Variants in RHOQ observed in about 807,000 individuals in gnomAD.
The protein encoded by RHOQ is rho-related GTP-binding protein RhoQ.
Under a neutral mutation model 25.8 loss-of-function variants are expected in RHOQ, and 7 were observed. That is an observed-to-expected ratio of 0.27 (90% CI 0.15 to 0.51). The LOEUF is 0.51. Among genes scored for constraint, RHOQ ranks in the 20% least tolerant of loss-of-function variants. The probability of loss-of-function intolerance (pLI) is 0.97; values close to 1 mark genes in which losing one functional copy is unlikely to be tolerated. For synonymous variants in RHOQ, 97 were observed against 98.6 expected (o/e 0.98, Z 0.10); for missense variants, 165 against 260.6 (o/e 0.63, Z 2.53).
At chr2:46,574,380 A>G (rs1357152810) in intron 2 of RHOQ, among the ~76,000 whole-genome samples, 2 of 151,374 alleles carry the variant, frequency 1.3e-5, no homozygotes, top group African/African-American at 4.9e-5. Context: ...TGAAACAGGC[A>G]GTAGAGCCCA....
rs1409671182 is a variant in RHOQ at position 46,555,126 on chromosome 2, G to A, written c.201+11314G>A. The stretch of plus-strand genomic sequence containing the variant: ...CGGACAGGGACTTCGTCCAACAGGC[G>A]AGAGCTTTGGGTATTCATCCACTGC... On this transcript the variant is annotated intron_variant, in intron 2 of 4. Coordinates refer to ENST00000238738, the MANE Select transcript of RHOQ (RefSeq NM_012249.4). The surrounding 1 kb of genome is among the most constrained non-coding windows in gnomAD (Gnocchi z 4.3). Among the ~76,000 whole-genome samples the A allele has an allele frequency of 6.6e-6, 1 of 152,218 alleles. No homozygotes were observed. Among genetic ancestry groups the A allele is most frequent in the Non-Finnish European group, 1.5e-5 (1 of 68,046 alleles).
chr2:46,544,427 G>C (rs1445792860), intron 2 of RHOQ, among the ~76,000 whole-genome samples: 4 of 152,212 alleles, frequency 2.6e-5, no homozygotes, highest in African/African-American at 9.7e-5. Context: ...GTGAATCTTG[G>C]AGGAGGAGGG....
intron 2 of RHOQ, chr2:46,568,559 A>G (rs868204437): frequency 6.6e-6 from 1 of 152,166 alleles, no homozygotes; most frequent in African/African-American, 2.4e-5. Context: ...TTTTCCCACA[A>G]AAGAGTTTTT....
At position 46,583,335 on chromosome 2, in the gene RHOQ, C is replaced by G. The variant is rs1265810439; in HGVS notation, c.*2252C>G. On this transcript the variant is annotated 3_prime_UTR_variant, in exon 5 of 5. Transcript: ENST00000238738. ...CTCATTATAAATATGGGAGGTAGAA[C>G]AGAGATCTCCAACGTCTCTCCCATT... Among the ~76,000 whole-genome samples, 2 of 152,146 alleles carry G rather than the reference C, an allele frequency of 1.3e-5. No homozygotes were observed.
In RHOQ at chr2:46,555,210, C is replaced by T. The variant is rs935890748; in HGVS notation, c.201+11398C>T. Among the ~76,000 whole-genome samples the T allele has an allele frequency of 2.0e-5, 3 of 152,236 alleles. No individual in the cohort carries two copies. Among genetic ancestry groups the T allele is most frequent in the Non-Finnish European group, 4.4e-5 (3 of 68,040 alleles). Reference sequence around the variant, plus strand: ...CCCATGACCTCCTCACCTCTGACTCCGGCCCTCTAGTGGTCGAGTCCCTCC... The same window carrying T: ...CCCATGACCTCCTCACCTCTGACTCTGGCCCTCTAGTGGTCGAGTCCCTCC... On this transcript the variant is annotated intron_variant, in intron 2 of 4. Transcript: ENST00000238738. This position sits in a 1 kb window ranked among gnomAD's most constrained non-coding sequence, Gnocchi z 4.3.
chr2:46,564,255 C>T (rs1057071479), intron 2 of RHOQ, among the ~76,000 whole-genome samples: 1 of 152,130 alleles, frequency 6.6e-6, no homozygotes, highest in Non-Finnish European at 1.5e-5. Context: ...TATTGAGCCA[C>T]GATCGCACCA....
chr2:46,567,808 A>C (rs1013079266), intron 2 of RHOQ, among the ~76,000 whole-genome samples: 3 of 152,124 alleles, frequency 2.0e-5, no homozygotes, highest in Non-Finnish European at 4.4e-5. Context: ...TATAATCCCA[A>C]CATTTTAGGG....
At chr2:46,568,340 A>T (rs978152200) in intron 2 of RHOQ, 1 of 152,132 alleles carries the variant, frequency 6.6e-6, no homozygotes, top group Admixed American at 6.5e-5. Flanking sequence ...CTCACAACCA[A>T]CCTCCAGAAA....
At position 46,552,235 on chromosome 2, in the gene RHOQ, T is replaced by C. The variant is rs910741895; in HGVS notation, c.201+8423T>C. On this transcript the variant is annotated intron_variant, in intron 2 of 4. Coordinates refer to ENST00000238738, the MANE Select transcript of RHOQ (RefSeq NM_012249.4). This position sits in a 1 kb window ranked among gnomAD's most constrained non-coding sequence, Gnocchi z 5.0. ...CGTGACGTTACGGGTGTTTTGTCACTTTGTCCCTAAACCACCATGCTTCCT... is the reference window on the plus strand; with the variant it reads ...CGTGACGTTACGGGTGTTTTGTCACCTTGTCCCTAAACCACCATGCTTCCT... Among the ~76,000 whole-genome samples, 2 of 152,190 alleles carry C rather than the reference T, an allele frequency of 1.3e-5. No homozygotes were observed. Among genetic ancestry groups the C allele is most frequent in the Non-Finnish European group, 2.9e-5 (2 of 68,038 alleles).
chr2:46,546,603 A>C (rs1668078300), intron 2 of RHOQ, among the ~76,000 whole-genome samples: 1 of 147,362 alleles, frequency 6.8e-6, no homozygotes, highest in Non-Finnish European at 1.5e-5. Flanking sequence ...GCCTGGGCTC[A>C]GATCTCCACC....
chr2:46,570,017 T>G (rs1668861409), intron 2 of RHOQ, among the ~76,000 whole-genome samples: 1 of 152,128 alleles, frequency 6.6e-6, no homozygotes. Context: ...ACCAAAGTGT[T>G]TTCAAAAAGG....
intron 2 of RHOQ, among the ~76,000 whole-genome samples, chr2:46,553,053 C>T (rs1274183718): frequency 1.3e-5 from 2 of 152,158 alleles, no homozygotes; most frequent in African/African-American, 4.8e-5. Context: ...CATGGATTTC[C>T]TGGGAACTTG....
chr2:46,584,117 A>G lies in RHOQ; in HGVS notation c.*3034A>G, dbSNP rs1403031244. 6.6e-6 allele frequency among the ~76,000 whole-genome samples: 1 copy of G among 152,188 alleles called. No individual in the cohort carries two copies. Among genetic ancestry groups the G allele is most frequent in the Admixed American group, 6.5e-5 (1 of 15,284 alleles). ...CATTTGATTTTTAACTATTTAAAAT[A>G]CCAAATTAAATACCAGTTTGTTGGT... On this transcript the variant is annotated 3_prime_UTR_variant, in exon 5 of 5. Coordinates refer to ENST00000238738, the MANE Select transcript of RHOQ (RefSeq NM_012249.4).
intron 2 of RHOQ, among the ~76,000 whole-genome samples, chr2:46,562,809 A>G (rs1378387945): frequency 6.6e-6 from 1 of 152,180 alleles, no homozygotes; most frequent in African/African-American, 2.4e-5. Context: ...CTTGCCTGCC[A>G]TGTAAACCTA....
intron 2 of RHOQ, chr2:46,572,918 ATAC>A (rs1230482512): frequency 2.9e-6 from 1 of 347,802 alleles, no homozygotes; most frequent in Non-Finnish European, 5.7e-6. Context: ...TTCACACAGG[ATAC>A]TATGTGATGC....
In RHOQ at chr2:46,566,213, T is replaced by C. The variant is rs1668725954; in HGVS notation, c.202-9874T>C. On this transcript the variant is annotated intron_variant, in intron 2 of 4. Transcript: ENST00000238738. This position sits in a 1 kb window ranked among gnomAD's most constrained non-coding sequence, Gnocchi z 4.2. Reference sequence around the variant, plus strand: ...GCAGTTTTGATTGGGAAGAAATGAATTTAGTTCAGAAATGTTGAATTTGAG... The same window carrying C: ...GCAGTTTTGATTGGGAAGAAATGAACTTAGTTCAGAAATGTTGAATTTGAG... 6.6e-6 allele frequency among the ~76,000 whole-genome samples: 1 copy of C among 152,092 alleles called. No homozygotes were observed. The highest frequency in any genetic ancestry group is 2.1e-4 in the South Asian group (1 of 4,820).
rs1425323039 is a variant in RHOQ, at chr2:46,583,827, C to A, written c.*2744C>A. On this transcript the variant is annotated 3_prime_UTR_variant, in exon 5 of 5. Coordinates refer to ENST00000238738, the MANE Select transcript of RHOQ (RefSeq NM_012249.4). ...AATTTTGCTAGTGAATACAAATACACTGCCTCAAATAAGGCCATGTATGAA... is the reference window on the plus strand; with the variant it reads ...AATTTTGCTAGTGAATACAAATACAATGCCTCAAATAAGGCCATGTATGAA... Among the ~76,000 whole-genome samples, 1 of 152,164 alleles carries A rather than the reference C, an allele frequency of 6.6e-6. No homozygotes were observed. The highest frequency in any genetic ancestry group is 1.5e-5 in the Non-Finnish European group (1 of 68,016).
In RHOQ at chr2:46,543,806, C is replaced by T. The variant is rs762947384; in HGVS notation, c.195C>T (p.Ala65=). The T allele has an allele frequency of 5.6e-6, 9 of 1,613,484 alleles. No homozygotes were observed. The highest frequency in any genetic ancestry group is 4.5e-5 in the East Asian group (2 of 44,874). The change falls in exon 2 of 5, where the codon GCC becomes GCT. Residue 65 remains alanine (A), a synonymous_variant. Coordinates refer to ENST00000238738, the MANE Select transcript of RHOQ (RefSeq NM_012249.4). ...ACCTCCTAGGACTCTATGACACGGCCGGACAGGTGAGTGTCTTGGCCTCTG... is the reference window on the plus strand; with the variant it reads ...ACCTCCTAGGACTCTATGACACGGCTGGACAGGTGAGTGTCTTGGCCTCTG... ...KQYLLGLYDT[A]GQEDYDRLRP...
At chr2:46,574,544 C>T (rs1420446531) in intron 2 of RHOQ, among the ~76,000 whole-genome samples, 1 of 152,076 alleles carries the variant, frequency 6.6e-6, no homozygotes, top group Non-Finnish European at 1.5e-5. Context: ...TTTCTTAACA[C>T]CAGGGCACTG....
Sources: allele counts gnomAD v4.1 joint callset (sites outside exome capture counted in the v4.1 genomes callset), GRCh38; gene constraint gnomAD v4.1.1; non-coding constraint Gnocchi (gnomAD v3.1); transcripts MANE v1.5; gene names NCBI Gene and HGNC (gene_info 2026-07-23, HGNC 2026-07-21).